RNF43: variants seen among roughly 807,000 people sequenced by gnomAD.
RNF43 encodes the protein E3 ubiquitin-protein ligase RNF43.
A neutral mutation model predicts 78.4 loss-of-function variants in RNF43; 37 were observed. That is an observed-to-expected ratio of 0.47 (90% CI 0.36 to 0.62). The LOEUF (loss-of-function observed/expected upper bound fraction) is 0.62. Among genes scored for constraint, RNF43 ranks in the 20% least tolerant of loss-of-function variants. The pLI, the probability that RNF43 is intolerant of heterozygous loss-of-function variation, is 0.00. For synonymous variants in RNF43, 347 were observed against 395.0 expected (o/e 0.88, Z 1.44); for missense variants, 774 against 1,007.9 (o/e 0.77, Z 3.14).
intron 3 of RNF43, among the ~76,000 whole-genome samples, chr17:58,367,016 A>G (rs941503214): frequency 4.6e-5 from 6 of 130,582 alleles, no homozygotes; most frequent in Admixed American, 8.0e-5. Context: ...TTTTTTTGAG[A>G]CGGAGTCTCG....
intron 3 of RNF43, among the ~76,000 whole-genome samples, chr17:58,364,099 C>T (rs1972900315): frequency 6.6e-6 from 1 of 152,192 alleles, no homozygotes; most frequent in Non-Finnish European, 1.5e-5. Context: ...GGCATCTCCC[C>T]AGCTCAGGCA....
chr17:58,373,393 T>C (rs1345683748), intron 2 of RNF43, among the ~76,000 whole-genome samples: 1 of 152,176 alleles, frequency 6.6e-6, no homozygotes, highest in African/African-American at 2.4e-5. Context: ...CAAACTTGCC[T>C]GGTTCCGAAT....
In RNF43 at chr17:58,357,801, C is replaced by T. The variant is rs2143394463; in HGVS notation, c.1975G>A (p.Gly659Ser). The change falls in exon 9 of 10, where the codon GGT becomes AGT. Residue 659 changes from glycine (G) to serine (S), a missense_variant. Gly to Ser is a moderately conservative substitution (Grantham distance 56). Coordinates refer to ENST00000407977, the MANE Select transcript of RNF43 (RefSeq NM_017763.6). This position sits in a 1 kb window ranked among gnomAD's most constrained non-coding sequence, Gnocchi z 4.5. ...GAGCCAGGGGTGGGCTCGGAGGGACCCCCCCGCCTTTTCCTCTGTGGGTGT... is the reference window on the plus strand; with the variant it reads ...GAGCCAGGGGTGGGCTCGGAGGGACTCCCCCGCCTTTTCCTCTGTGGGTGT... ...ARHPQRKRRG[G>S]PSEPTPGSRP... 1 of 1,614,090 alleles carries T rather than the reference C, an allele frequency of 6.2e-7. No individual in the cohort carries two copies. The highest frequency in any genetic ancestry group is 1.1e-5 in the South Asian group (1 of 91,074).
At position 58,358,295 on chromosome 17, in the gene RNF43, C is replaced by T. The variant is rs753298734; in HGVS notation, c.1481G>A (p.Ser494Asn). The T allele has an allele frequency of 1.2e-6, 2 of 1,614,062 alleles. No homozygotes were observed. Among genetic ancestry groups the T allele is most frequent in the African/African-American group, 2.7e-5 (2 of 74,924 alleles). The change falls in exon 9 of 10, where the codon AGT becomes AAT. Residue 494 changes from serine (S) to asparagine (N), a missense_variant. Physicochemically the swap from Ser to Asn is conservative, Grantham distance 46. Coordinates refer to ENST00000407977, the MANE Select transcript of RNF43 (RefSeq NM_017763.6). The surrounding 1 kb of genome is among the most constrained non-coding windows in gnomAD (Gnocchi z 6.2). ...DISLQGVHGS[S>N]STFCSSLSSD... is the part of the protein sequence containing the mutation. ...GCTTAGGGAGCTGCAGAAAGTAGAA[C>T]TGCTGCCATGGACCCCCTGTAGGCT...
Position 58,363,609 on chromosome 17 carries a change from G to GCA in RNF43, c.376-11_376-10dup. The GCA allele has an allele frequency of 6.2e-7, 1 of 1,608,658 alleles. No homozygotes were observed. The highest frequency in any genetic ancestry group is 8.5e-7 in the Non-Finnish European group (1 of 1,176,466). On this transcript the variant is annotated splice_polypyrimidine_tract_variant and intron_variant, in intron 3 of 9. Transcript: ENST00000407977. Reference sequence around the variant, plus strand: ...TCACCCGCCATCCGAGCCTGCAGAGGCACACAGTAGAGGTTGGGCTGAGGT... The same window carrying GCA: ...TCACCCGCCATCCGAGCCTGCAGAGGCACACACAGTAGAGGTTGGGCTGAGGT...
rs1313246620 is a variant in RNF43 at position 58,357,953 on chromosome 17, C to T, written c.1823G>A (p.Gly608Glu). ...VTRSNSAAPS[G>E]RLSNPQCPRA... The stretch of plus-strand genomic sequence containing the variant: ...GGGGCACTGTGGGTTAGAGAGCCGC[C>T]CCGAAGGGGCTGCTGAGTTGGATCT... Residue 608 changes from glycine (G) to glutamate (E), a missense_variant, in exon 9 of 10, where the codon GGG becomes GAG. Transcript: ENST00000407977. The surrounding 1 kb of genome is among the most constrained non-coding windows in gnomAD (Gnocchi z 4.5). 1.2e-6 allele frequency: 2 copies of T among 1,611,648 alleles called. No individual in the cohort carries two copies. Among genetic ancestry groups the T allele is most frequent in the African/African-American group, 2.7e-5 (2 of 74,792 alleles).
chr17:58,369,087 A>G (rs1567879631), intron 3 of RNF43, among the ~76,000 whole-genome samples: 1 of 151,164 alleles, frequency 6.6e-6, no homozygotes, highest in Non-Finnish European at 1.5e-5. Context: ...ACACACACAC[A>G]CACACGCACA....
intron 9 of RNF43, among the ~76,000 whole-genome samples, chr17:58,356,794 T>TTA (rs1446642559): frequency 6.6e-6 from 1 of 152,096 alleles, no homozygotes; most frequent in African/African-American, 2.4e-5. Flanking sequence ...GAACTAATAC[T>TTA]GAGCTGTGAG....
intron 2 of RNF43, among the ~76,000 whole-genome samples, chr17:58,393,813 G>A (rs1013304774): frequency 6.6e-6 from 1 of 152,208 alleles, no homozygotes; most frequent in African/African-American, 2.4e-5. Flanking sequence ...CCAGCACTTT[G>A]GGAGGCTGAG....
intron 1 of RNF43, chr17:58,416,226 T>C (rs1693143498): frequency 6.5e-6 from 1 of 153,376 alleles, no homozygotes; most frequent in South Asian, 2.1e-4. Flanking sequence ...CACATTAAAC[T>C]GTATTTCAGT....
rs1162714205 is a variant in RNF43 at position 58,358,051 on chromosome 17, G to A, written c.1725C>T (p.Val575=). Residue 575 remains valine, a synonymous_variant, in exon 9 of 10, where the codon GTC becomes GTT. Coordinates refer to ENST00000407977, the MANE Select transcript of RNF43 (RefSeq NM_017763.6). The surrounding 1 kb of genome is among the most constrained non-coding windows in gnomAD (Gnocchi z 6.2). ...GAGGAATAGGAGGCCTGGACTGGGG[G>A]ACTCCGGTTTCTGGGCCAGGCTTCC... ...HGRKPGPETG[V]PQSRPPIPRT... The A allele has an allele frequency of 2.5e-6, 4 of 1,590,624 alleles. No homozygotes were observed. The highest frequency in any genetic ancestry group is 2.2e-5 in the East Asian group (1 of 44,720).
rs1974111032 is a variant in RNF43 at position 58,415,794 on chromosome 17, C to T, written c.-217G>A. On this transcript the variant is annotated 5_prime_UTR_variant, in exon 2 of 10. In the 5' UTR this introduces an upstream ATG that the reference lacks. Transcript: ENST00000407977. The stretch of plus-strand genomic sequence containing the variant: ...CAGAGAAGAGGATATTTTCAGCCCA[C>T]ATCTGCTGCAGGTATGTCATTTTCT... 8.5e-6 allele frequency: 5 copies of T among 588,008 alleles called. No individual in the cohort carries two copies. Among genetic ancestry groups the T allele is most frequent in the South Asian group, 8.4e-5 (4 of 47,864 alleles). 36.4% of individuals were successfully genotyped at this position (588,008 alleles called of 1,614,324 possible). A position where few individuals can be genotyped will look rare whatever the true frequency, so the allele number is the denominator to read the frequency against.
chr17:58,377,856 T>A (rs1973237928), intron 2 of RNF43, among the ~76,000 whole-genome samples: 18 of 152,074 alleles, frequency 1.2e-4, no homozygotes, highest in Admixed American at 1.2e-3. Flanking sequence ...CCATTTCCTC[T>A]TTTCAGATTT....
intron 9 of RNF43, 66 bp from the exon 10 acceptor site, chr17:58,355,052 C>G: frequency 7.2e-7 from 1 of 1,398,594 alleles, no homozygotes. Flanking sequence ...CTTCTCTCGC[C>G]TGCAGCAGAG....
At chr17:58,391,793 C>G (rs1366730771) in intron 2 of RNF43, among the ~76,000 whole-genome samples, 1 of 152,176 alleles carries the variant, frequency 6.6e-6, no homozygotes, top group African/African-American at 2.4e-5. Flanking sequence ...AGAATGTGCT[C>G]TCTGTCTCTC....
Position 58,358,787 on chromosome 17 carries a change from C to G in RNF43, c.989G>C (p.Arg330Pro), listed in dbSNP as rs760556127. Residue 330 changes from arginine to proline, a missense_variant, in exon 9 of 10, where the codon CGA becomes CCA. Transcript: ENST00000407977. The surrounding 1 kb of genome is among the most constrained non-coding windows in gnomAD (Gnocchi z 6.2). ...TCTTCGACCTGGTTCTTGGTAAGAT[C>G]GAGAGGGTCCCAGGGACTGGGAAAA... ...DSFSQSLGPS[R>P]SYQEPGRRLH... The G allele has an allele frequency of 1.3e-6, 2 of 1,550,284 alleles. No individual in the cohort carries two copies. Among genetic ancestry groups the G allele is most frequent in the African/African-American group, 1.4e-5 (1 of 72,994 alleles).
At position 58,360,036 on chromosome 17, in the gene RNF43, T is replaced by C. The variant is rs940241297; in HGVS notation, c.952+113A>G. 1.1e-4 allele frequency: 81 copies of C among 762,752 alleles called. No homozygotes were observed. The highest frequency in any genetic ancestry group is 7.9e-4 in the African/African-American group (46 of 58,444). 47.2% of individuals were successfully genotyped at this position (762,752 alleles called of 1,614,324 possible). On this transcript the variant is annotated intron_variant, in intron 8 of 9. Coordinates refer to ENST00000407977, the MANE Select transcript of RNF43 (RefSeq NM_017763.6). This position sits in a 1 kb window ranked among gnomAD's most constrained non-coding sequence, Gnocchi z 4.3. ...GAGCAGTGTACAGCCCATACAACTA[T>C]GGTGGCAGTTCTGCTTTCTCCCCAG...
chr17:58,368,314 G>A (rs891338211), intron 3 of RNF43, among the ~76,000 whole-genome samples: 1 of 152,194 alleles, frequency 6.6e-6, no homozygotes, highest in Non-Finnish European at 1.5e-5. Context: ...TTGGGAGGCC[G>A]AGGCAGGCAG....
chr17:58,363,374 C>T lies in RNF43; in HGVS notation c.483G>A (p.Val161=), dbSNP rs190547268. Reference sequence around the variant, plus strand: ...CAGCGTCATTACCCCAGATCAACACCACTGGCCAGGTCAGCCCCAGCGGCT... The same window carrying T: ...CAGCGTCATTACCCCAGATCAACACTACTGGCCAGGTCAGCCCCAGCGGCT... The part of the protein sequence containing the change: ...LQQPLGLTWP[V]VLIWGNDAEK... The change falls in exon 5 of 10, where the codon GTG becomes GTA. Residue 161 remains valine (V), a synonymous_variant. Transcript: ENST00000407977. The T allele has an allele frequency of 6.8e-6, 11 of 1,614,178 alleles. No individual in the cohort carries two copies. In the Admixed American group the frequency reaches 1.8e-4, roughly 27 times the overall value.
Sources: allele counts gnomAD v4.1 joint callset (sites outside exome capture counted in the v4.1 genomes callset), GRCh38; gene constraint gnomAD v4.1.1; non-coding constraint Gnocchi (gnomAD v3.1); transcripts MANE v1.5; gene names NCBI Gene and HGNC (gene_info 2026-07-23, HGNC 2026-07-21).